FSTL4: variants seen among roughly 807,000 people sequenced by gnomAD.
FSTL4 encodes the protein follistatin like 4, also known as follistatin-related protein 4.
FSTL4 carries 28 observed loss-of-function variants against 78.2 expected under a neutral mutation model. That is an observed-to-expected ratio of 0.36 (90% confidence interval 0.27 to 0.49). FSTL4 has a LOEUF of 0.49. Among genes scored for constraint, FSTL4 ranks in the 20% least tolerant of loss-of-function variants. FSTL4 has a pLI of 0.98. For missense variants in FSTL4, 922 were observed against 1,084.9 expected (o/e 0.85, Z 2.11); for synonymous variants, 422 against 440.5 (o/e 0.96, Z 0.53).
chr5:133,832,226 T>G, the FSTL4 span, among the ~76,000 whole-genome samples: 2 of 152,228 alleles, frequency 1.3e-5, no homozygotes, highest in East Asian at 3.8e-4. Context: ...GTGATTACTC[T>G]AAAGGAAGCT....
the FSTL4 span, among the ~76,000 whole-genome samples, chr5:133,621,585 C>G: frequency 6.6e-6 from 1 of 152,000 alleles, no homozygotes; most frequent in Non-Finnish European, 1.5e-5. Context: ...ATACAATGGA[C>G]TTTGGGGACT....
the FSTL4 span, among the ~76,000 whole-genome samples, chr5:133,834,518 G>C: frequency 2.6e-5 from 4 of 151,572 alleles, no homozygotes; most frequent in South Asian, 6.3e-4. Context: ...TGTGGGGGGT[G>C]GGGGGAGTAA....
At chr5:133,496,426 C>CA (rs1023162120) in intron 3 of FSTL4, among the ~76,000 whole-genome samples, 59 of 152,086 alleles carry the variant, frequency 3.9e-4, no homozygotes, top group Non-Finnish European at 7.9e-4. Context: ...AGATTTAAGA[C>CA]AAAAAAACCA....
the FSTL4 span, among the ~76,000 whole-genome samples, chr5:133,749,441 T>C: frequency 2.7e-4 from 41 of 152,314 alleles, no homozygotes; most frequent in South Asian, 6.0e-3. Flanking sequence ...GGGCACACAG[T>C]TGCTATTGCA....
intron 2 of FSTL4, among the ~76,000 whole-genome samples, chr5:133,578,628 T>C (rs26360): frequency 0.077 from 11,791 of 152,306 alleles, 526 homozygotes; most frequent in Non-Finnish European, 0.097. Flanking sequence ...TTGGAAATAT[T>C]ATATGAGGAT....
rs144317683 is a variant in FSTL4, at chr5:133,597,300, C to T, written c.126+6558G>A. ...CACAAGGACGACATTTACTTCCATC[C>T]AAATGGGAAGCAAAAGCAACAACCC... On this transcript the variant is annotated intron_variant, in intron 2 of 15. Transcript: ENST00000265342. 1.1e-4 allele frequency among the ~76,000 whole-genome samples: 16 copies of T among 152,252 alleles called. No homozygotes were observed. The East Asian group carries it at 3.1e-3, about 29-fold the overall frequency.
At chr5:133,328,504 A>G (rs1410873127) in intron 4 of FSTL4, among the ~76,000 whole-genome samples, 1 of 152,222 alleles carries the variant, frequency 6.6e-6, no homozygotes, top group Non-Finnish European at 1.5e-5. Context: ...CCAGAGTGAA[A>G]GAGCACTGTA....
chr5:133,481,679 C>A lies in FSTL4; in HGVS notation c.161-80693G>T, dbSNP rs150766015. Among the ~76,000 whole-genome samples the A allele has an allele frequency of 3.3e-5, 5 of 152,170 alleles. No individual in the cohort carries two copies. In the East Asian group the frequency reaches 9.7e-4, roughly 29 times the overall value. On this transcript the variant is annotated intron_variant, in intron 3 of 15. Coordinates refer to ENST00000265342, the MANE Select transcript of FSTL4 (RefSeq NM_015082.2). Reference sequence around the variant, plus strand: ...TTGAGTGCTCACTATGTGCCAGGCTCTGGACCACTGTCTGGGTTCACAAGG... The same window carrying A: ...TTGAGTGCTCACTATGTGCCAGGCTATGGACCACTGTCTGGGTTCACAAGG...
chr5:133,494,849 G>A (rs958452266), intron 3 of FSTL4, among the ~76,000 whole-genome samples: 6 of 152,222 alleles, frequency 3.9e-5, no homozygotes, highest in Admixed American at 6.5e-5. Flanking sequence ...GAGGGGCACC[G>A]GCTTGCATTT....
chr5:133,277,730 TG>T (rs1471518917), intron 6 of FSTL4, among the ~76,000 whole-genome samples: 1 of 151,894 alleles, frequency 6.6e-6, no homozygotes, highest in Admixed American at 6.6e-5. Flanking sequence ...GCCTCACGAG[TG>T]GGGCTGACTC....
intron 3 of FSTL4, among the ~76,000 whole-genome samples, chr5:133,515,291 C>T (rs976933449): frequency 6.6e-6 from 1 of 151,886 alleles, no homozygotes; most frequent in African/African-American, 2.4e-5. Context: ...CTTTGGGAGG[C>T]TGAGGTGGGA....
At chr5:133,717,207 T>C in the FSTL4 span, among the ~76,000 whole-genome samples, 2 of 152,188 alleles carry the variant, frequency 1.3e-5, no homozygotes, top group Admixed American at 1.3e-4. Context: ...AACAGTTGAG[T>C]GGATAAGCAA....
At chr5:133,625,010 G>A in the FSTL4 span, among the ~76,000 whole-genome samples, 1 of 151,146 alleles carries the variant, frequency 6.6e-6, no homozygotes, top group Non-Finnish European at 1.5e-5. Flanking sequence ...TTTATATTTT[G>A]TTGTATTCTC....
At chr5:133,329,798 C>T (rs1202405829) in intron 4 of FSTL4, among the ~76,000 whole-genome samples, 1 of 152,158 alleles carries the variant, frequency 6.6e-6, no homozygotes, top group African/African-American at 2.4e-5. Context: ...AGTTGACGTT[C>T]AGTATTAACC....
chr5:133,259,518 CTTTTT>C (rs3976227), intron 6 of FSTL4, among the ~76,000 whole-genome samples: 10 of 126,378 alleles, frequency 7.9e-5, no homozygotes, highest in Admixed American at 8.1e-5. Flanking sequence ...ATTTTTTTTT[CTTTTT>C]TTTTTTTTTT....
At chr5:133,370,356 G>C in intron 4 of FSTL4, among the ~76,000 whole-genome samples, 1 of 152,062 alleles carries the variant, frequency 6.6e-6, no homozygotes, top group East Asian at 1.9e-4. Flanking sequence ...TCTGCCTGCA[G>C]GCCAGCCTCT....
At chr5:133,667,547 C>T in the FSTL4 span, among the ~76,000 whole-genome samples, 846 of 152,356 alleles carry the variant, frequency 5.6e-3, 7 homozygotes, top group Admixed American at 8.6e-3. Context: ...CTGACTCACT[C>T]AGCTCCAGCT....
chr5:133,348,805 G>C (rs1754756533), intron 4 of FSTL4, among the ~76,000 whole-genome samples: 1 of 152,184 alleles, frequency 6.6e-6, no homozygotes, highest in Admixed American at 6.5e-5. Context: ...TGCCACACTG[G>C]GTAGCTGTGA....
chr5:133,533,840 C>T (rs1759302673), intron 3 of FSTL4, among the ~76,000 whole-genome samples: 1 of 152,138 alleles, frequency 6.6e-6, no homozygotes, highest in Non-Finnish European at 1.5e-5. Context: ...TGCCCCATCA[C>T]CCTTTCCTGC....
Sources: allele counts gnomAD v4.1 joint callset (sites outside exome capture counted in the v4.1 genomes callset), GRCh38; gene constraint gnomAD v4.1.1; transcripts MANE v1.5; gene names NCBI Gene and HGNC (gene_info 2026-07-23, HGNC 2026-07-21).